The following SPAG9 variants were observed in gnomAD, a reference collection of about 807,000 sequenced individuals.
SPAG9 encodes the protein sperm associated antigen 9.
A neutral mutation model predicts 166.5 loss-of-function variants in SPAG9; 35 were observed. The observed-to-expected ratio is 0.21, with a 90% CI of 0.16 to 0.28. The LOEUF is 0.28. Among genes scored for constraint, SPAG9 ranks in the 10% least tolerant of loss-of-function variants. SPAG9 has a pLI of 1.00. For missense variants in SPAG9, 1,235 were observed against 1,603.3 expected (o/e 0.77, Z 3.92); for synonymous variants, 534 against 565.5 (o/e 0.94, Z 0.79).
intron 1 of SPAG9, among the ~76,000 whole-genome samples, chr17:51,117,208 C>A (rs796160756): frequency 1.2e-4 from 18 of 152,258 alleles, no homozygotes; most frequent in African/African-American, 4.3e-4. Context: ...ATTTTTGATG[C>A]CTTGCTGAGA....
rs371419566 is a variant in SPAG9, at chr17:50,963,912, C to G, written c.*2360G>C. The G allele has an allele frequency of 2.6e-5, 4 of 152,184 alleles. No individual in the cohort carries two copies. Among genetic ancestry groups the G allele is most frequent in the African/African-American group, 9.6e-5 (4 of 41,452 alleles). The allele number at this position is 152,184 out of a possible 1,614,324, so 9.4% of individuals were successfully genotyped here. A position where few individuals can be genotyped will look rare whatever the true frequency, so the allele number is the denominator to read the frequency against. ...ATTTTGGTGCCCTGCAAAAAAGTGA[C>G]TAAGTAGCTCAAGCAAAAAATTATT... On this transcript the variant is annotated 3_prime_UTR_variant, in exon 30 of 30. Transcript: ENST00000262013.
In SPAG9 at chr17:51,120,645, C is replaced by T. The variant is rs1489619931; in HGVS notation, c.12G>A (p.Glu4=). 6.2e-7 allele frequency: 1 copy of T among 1,604,434 alleles called. No homozygotes were observed. Among genetic ancestry groups the T allele is most frequent in the Non-Finnish European group, 8.5e-7 (1 of 1,175,982 alleles). ...GCTCCTCCTGATACACCACACCGTC[C>T]TCCAGCTCCATGGTGGCAAGCGGAC... is the stretch of plus-strand genomic sequence containing the variant. MEL[E]DGVVYQEEPG... Residue 4 remains glutamate, a synonymous_variant, in exon 1 of 30, where the codon GAG becomes GAA. Transcript: ENST00000262013. The surrounding 1 kb of genome is among the most constrained non-coding windows in gnomAD (Gnocchi z 4.7).
At chr17:51,110,384 C>T (rs1486640707) in intron 1 of SPAG9, among the ~76,000 whole-genome samples, 2 of 144,152 alleles carry the variant, frequency 1.4e-5, no homozygotes, top group Non-Finnish European at 3.0e-5. Context: ...GTTTACTAAC[C>T]TTACAAAAAA....
At chr17:51,090,685 C>T (rs1429509060) in intron 1 of SPAG9, among the ~76,000 whole-genome samples, 1 of 152,058 alleles carries the variant, frequency 6.6e-6, no homozygotes, top group Non-Finnish European at 1.5e-5. Flanking sequence ...TAAAAAAGAT[C>T]GATTTACAAA....
intron 9 of SPAG9, among the ~76,000 whole-genome samples, chr17:51,013,327 C>T (rs1229786051): frequency 6.6e-6 from 1 of 152,252 alleles, no homozygotes; most frequent in African/African-American, 2.4e-5. Flanking sequence ...AAAACTAATT[C>T]ATAGGAGCCA....
intron 11 of SPAG9, 25 bp downstream of exon 11, chr17:51,006,060 T>G: frequency 6.2e-7 from 1 of 1,612,964 alleles, no homozygotes; most frequent in South Asian, 1.1e-5. Context: ...AGAGTTTGGT[T>G]TAGAACAACA....
chr17:51,056,500 A>T lies in SPAG9; in HGVS notation c.425-18T>A, dbSNP rs372405539. On this transcript the variant is annotated intron_variant, in intron 2 of 29. Coordinates refer to ENST00000262013, the MANE Select transcript of SPAG9 (RefSeq NM_001130528.3). The stretch of plus-strand genomic sequence containing the variant: ...TCTGCTAACTGAAATTAAGATACAT[A>T]CACTTGATCAAAACAAAATAAGAAA... 5 of 1,493,330 alleles carry T rather than the reference A, an allele frequency of 3.3e-6. No individual in the cohort carries two copies. In the African/African-American group the frequency reaches 6.9e-5, roughly 21 times the overall value. The allele number at this position is 1,493,330 out of a possible 1,614,324, so 92.5% of individuals were successfully genotyped here.
chr17:50,969,638 T>C (rs1021335427), intron 29 of SPAG9, among the ~76,000 whole-genome samples: 2 of 152,202 alleles, frequency 1.3e-5, no homozygotes, highest in Non-Finnish European at 2.9e-5. Flanking sequence ...ATTCATACTT[T>C]CTTCTACTCC....
intron 8 of SPAG9, among the ~76,000 whole-genome samples, chr17:51,016,525 A>C (rs2045704042): frequency 6.6e-6 from 1 of 152,262 alleles, no homozygotes; most frequent in African/African-American, 2.4e-5. Context: ...AGTGTCTGCC[A>C]GTGATTTAGT....
Position 51,095,926 on chromosome 17 carries a change from G to GATATAGTTAT in SPAG9, c.304-16223_304-16222insATAACTATAT, listed in dbSNP as rs1568083609. On this transcript the variant is annotated intron_variant, in intron 1 of 29. Transcript: ENST00000262013. The stretch of plus-strand genomic sequence containing the variant: ...ATATATATAGTGATATATATATAGT[G>GATATAGTTAT]ATATATATAGTGATATAGTTATATA... Among the ~76,000 whole-genome samples the GATATAGTTAT allele has an allele frequency of 7.3e-4, 93 of 126,664 alleles. 4 individuals carry two copies. Among genetic ancestry groups the GATATAGTTAT allele is most frequent in the African/African-American group, 2.6e-3 (81 of 31,614 alleles). The allele number at this position is 126,664 out of a possible 152,430, so 83.1% of individuals were successfully genotyped here.
At chr17:51,057,722 T>C (rs929034758) in intron 2 of SPAG9, among the ~76,000 whole-genome samples, 1 of 152,214 alleles carries the variant, frequency 6.6e-6, no homozygotes, top group Non-Finnish European at 1.5e-5. Flanking sequence ...GCTGGCTCAT[T>C]ACATTTGCAC....
At chr17:51,035,570 C>G (rs2046554396) in intron 5 of SPAG9, among the ~76,000 whole-genome samples, 1 of 152,164 alleles carries the variant, frequency 6.6e-6, no homozygotes, top group Admixed American at 6.5e-5. Context: ...ATTCTCTCAA[C>G]AAGAATGCTG....
chr17:51,011,405 C>G (rs1330500457), intron 9 of SPAG9, among the ~76,000 whole-genome samples: 5 of 144,154 alleles, frequency 3.5e-5, no homozygotes, highest in African/African-American at 1.3e-4. Context: ...TTTTTTGAGA[C>G]GGAGTTTTGC....
At chr17:51,079,484 C>T in intron 2 of SPAG9, 100 bp downstream of exon 2, 1 of 1,106,198 alleles carries the variant, frequency 9.0e-7, no homozygotes. Context: ...AGTGATCCTC[C>T]TACCTCGGCC....
intron 2 of SPAG9, among the ~76,000 whole-genome samples, chr17:51,063,349 T>C (rs969755330): frequency 6.6e-6 from 1 of 150,702 alleles, no homozygotes; most frequent in African/African-American, 2.4e-5. Context: ...GAGGTGGAGG[T>C]TGCAGTGAGC....
chr17:51,042,091 G>T (rs2046861160), intron 4 of SPAG9, among the ~76,000 whole-genome samples: 1 of 152,090 alleles, frequency 6.6e-6, no homozygotes, highest in African/African-American at 2.4e-5. Flanking sequence ...CTTCTTCAGG[G>T]TATGACTTTC....
At chr17:51,064,835 A>ATT (rs1221909240) in intron 2 of SPAG9, among the ~76,000 whole-genome samples, 1 of 152,148 alleles carries the variant, frequency 6.6e-6, no homozygotes, top group Non-Finnish European at 1.5e-5. Flanking sequence ...AAAATGGTGA[A>ATT]TTTTGGCCGG....
At chr17:51,037,184 C>G (rs2046619795) in intron 5 of SPAG9, among the ~76,000 whole-genome samples, 1 of 152,118 alleles carries the variant, frequency 6.6e-6, no homozygotes, top group Non-Finnish European at 1.5e-5. Context: ...CTCACTATAG[C>G]CTCAGCCTCC....
chr17:50,989,448 T>C (rs1975350808), intron 21 of SPAG9: 2 of 576,192 alleles, frequency 3.5e-6, no homozygotes, highest in Non-Finnish European at 6.2e-6. Flanking sequence ...ATTATACTTT[T>C]ATAGATAAGA....
Sources: allele counts gnomAD v4.1 joint callset (sites outside exome capture counted in the v4.1 genomes callset), GRCh38; gene constraint gnomAD v4.1.1; non-coding constraint Gnocchi (gnomAD v3.1); transcripts MANE v1.5; gene names NCBI Gene and HGNC (gene_info 2026-07-23, HGNC 2026-07-21).